Variants in SH3GL1 observed in about 807,000 individuals in gnomAD.
SH3GL1 encodes endophilin-A2.
A neutral mutation model predicts 48.8 loss-of-function variants in SH3GL1; 21 were observed. That is an observed-to-expected ratio of 0.43 (90% CI 0.30 to 0.62). SH3GL1 has a LOEUF of 0.62. Among genes scored for constraint, SH3GL1 ranks in the 20% least tolerant of loss-of-function variants. The pLI, the probability that SH3GL1 is intolerant of heterozygous loss-of-function variation, is 0.11. For missense variants in SH3GL1, 454 were observed against 503.0 expected, an observed-to-expected ratio of 0.90 and a Z score of 0.93; for synonymous variants, 282 against 217.5, an observed-to-expected ratio of 1.30 and a Z score of -2.61.
rs907406582 is a variant in SH3GL1, at chr19:4,389,248, G to A, written c.45+11076C>T. On this transcript the variant is annotated intron_variant, in intron 1 of 9. Transcript: ENST00000269886. This position sits in a 1 kb window ranked among gnomAD's most constrained non-coding sequence, Gnocchi z 4.5. ...GGAGCTGCCGTCCGATGGGAGGAGA[G>A]CACCTCACACGAACACCAGCGTGTG... Among the ~76,000 whole-genome samples, 3 of 152,230 alleles carry A rather than the reference G, an allele frequency of 2.0e-5. No homozygotes were observed. Among genetic ancestry groups the A allele is most frequent in the Admixed American group, 2.0e-4 (3 of 15,288 alleles).
intron 1 of SH3GL1, among the ~76,000 whole-genome samples, chr19:4,397,001 G>T (rs1413856444): frequency 3.3e-5 from 5 of 152,168 alleles, no homozygotes; most frequent in African/African-American, 9.7e-5. Flanking sequence ...CTGCTCACAT[G>T]GTGAGAACTC....
In SH3GL1 at chr19:4,361,018, G is replaced by C. The variant is rs1972592326; in HGVS notation, c.*582C>G. On this transcript the variant is annotated 3_prime_UTR_variant, in exon 10 of 10. Coordinates refer to ENST00000269886, the MANE Select transcript of SH3GL1 (RefSeq NM_003025.4). Reference sequence around the variant, plus strand: ...AAGCTGACAGCAGGCCCGGGAGGCGGTGAGGCCCTCTGCCCTGGCCTTGAG... The same window carrying C: ...AAGCTGACAGCAGGCCCGGGAGGCGCTGAGGCCCTCTGCCCTGGCCTTGAG... 4.3e-6 allele frequency: 1 copy of C among 234,174 alleles called. No homozygotes were observed. The highest frequency in any genetic ancestry group is 8.4e-6 in the Non-Finnish European group (1 of 118,812). The allele number at this position is 234,174 out of a possible 1,614,324, so 14.5% of individuals were successfully genotyped here.
At chr19:4,383,380 A>C (rs567392758) in intron 1 of SH3GL1, among the ~76,000 whole-genome samples, 4 of 146,874 alleles carry the variant, frequency 2.7e-5, no homozygotes, top group Non-Finnish European at 6.0e-5. Context: ...ACACAGAGTT[A>C]TTTTTTTTTT....
At chr19:4,388,462 G>A (rs1240249951) in intron 1 of SH3GL1, among the ~76,000 whole-genome samples, 1 of 152,160 alleles carries the variant, frequency 6.6e-6, no homozygotes, top group Non-Finnish European at 1.5e-5. Context: ...AGAGACAGAA[G>A]GGGCCATCCA....
chr19:4,398,437 C>A (rs1973461729), intron 1 of SH3GL1, among the ~76,000 whole-genome samples: 1 of 151,102 alleles, frequency 6.6e-6, no homozygotes, highest in African/African-American at 2.4e-5. Flanking sequence ...GGCTGGAGTG[C>A]AGTGGTGCAA....
intron 1 of SH3GL1, among the ~76,000 whole-genome samples, chr19:4,399,797 G>C (rs1973489434): frequency 6.6e-6 from 1 of 152,232 alleles, no homozygotes; most frequent in South Asian, 2.1e-4. Context: ...TCTTAGGAAA[G>C]GGACATACGG....
rs900259428 is a variant in SH3GL1 at position 4,389,487 on chromosome 19, G to A, written c.45+10837C>T. Among the ~76,000 whole-genome samples, 1 of 152,120 alleles carries A rather than the reference G, an allele frequency of 6.6e-6. No individual in the cohort carries two copies. Among genetic ancestry groups the A allele is most frequent in the Non-Finnish European group, 1.5e-5 (1 of 68,006 alleles). ...TACAGGGCCCCACACAGGGTGGGCG[G>A]GAGGGACTGACTGTGTGAGTTCCCA... On this transcript the variant is annotated intron_variant, in intron 1 of 9. Coordinates refer to ENST00000269886, the MANE Select transcript of SH3GL1 (RefSeq NM_003025.4). This position sits in a 1 kb window ranked among gnomAD's most constrained non-coding sequence, Gnocchi z 4.5.
intron 1 of SH3GL1, among the ~76,000 whole-genome samples, chr19:4,393,972 T>G (rs1481626967): frequency 6.7e-6 from 1 of 150,110 alleles, no homozygotes; most frequent in Non-Finnish European, 1.5e-5. Context: ...CCAACCCCCC[T>G]GGCCTCTCCT....
Position 4,362,674 on chromosome 19 carries a change from T to G in SH3GL1, c.791A>C (p.Asp264Ala). Residue 264 changes from aspartate (D) to alanine (A), a missense_variant, in exon 8 of 10, where the codon GAC becomes GCC. Asp to Ala is a moderately radical substitution (Grantham distance 126). This residue lies in a region of SH3GL1 where 278 missense variants were observed against 246.8 expected (regional missense o/e 1.13). Coordinates refer to ENST00000269886, the MANE Select transcript of SH3GL1 (RefSeq NM_003025.4). Reference protein sequence around the residue: ...EYKPKPREPFDLGEPEQSNGG... With the variant: ...EYKPKPREPFALGEPEQSNGG... ...GTTGGACTGCTCAGGCTCTCCAAGG[T>G]CAAAGGGCTCCCGGGGCTTGGGCTT... 6.2e-7 allele frequency: 1 copy of G among 1,613,940 alleles called. No individual in the cohort carries two copies. The highest frequency in any genetic ancestry group is 1.7e-5 in the Admixed American group (1 of 60,026).
chr19:4,394,428 T>C (rs979264419), intron 1 of SH3GL1, among the ~76,000 whole-genome samples: 3 of 152,142 alleles, frequency 2.0e-5, no homozygotes, highest in African/African-American at 4.8e-5. Flanking sequence ...GATGGGACCA[T>C]GACGGACGGC....
At chr19:4,373,843 G>A (rs1972952134) in intron 1 of SH3GL1, among the ~76,000 whole-genome samples, 1 of 152,240 alleles carries the variant, frequency 6.6e-6, no homozygotes, top group African/African-American at 2.4e-5. Flanking sequence ...AGGTGTGGCT[G>A]GGTGCCATGG....
At position 4,367,193 on chromosome 19, in the gene SH3GL1, G is replaced by T. The variant is rs1365695374; in HGVS notation, c.46-199C>A. ...TGCAGAGCAGGGTGGGCCTGCAGGG[G>T]GAGGGGGAGGGTGGGGGTGGCCTGC... On this transcript the variant is annotated intron_variant, in intron 1 of 9. Coordinates refer to ENST00000269886, the MANE Select transcript of SH3GL1 (RefSeq NM_003025.4). The surrounding 1 kb of genome is among the most constrained non-coding windows in gnomAD (Gnocchi z 4.2). 6.6e-6 allele frequency among the ~76,000 whole-genome samples: 1 copy of T among 152,148 alleles called. No individual in the cohort carries two copies. Among genetic ancestry groups the T allele is most frequent in the Non-Finnish European group, 1.5e-5 (1 of 68,030 alleles).
At chr19:4,391,954 T>A (rs1198481408) in intron 1 of SH3GL1, among the ~76,000 whole-genome samples, 1 of 152,236 alleles carries the variant, frequency 6.6e-6, no homozygotes, top group Non-Finnish European at 1.5e-5. Context: ...CAGAGCTTCC[T>A]GCAAGAACGG....
intron 1 of SH3GL1, among the ~76,000 whole-genome samples, chr19:4,377,263 C>T (rs188350202): frequency 7.5e-4 from 115 of 152,352 alleles, no homozygotes; most frequent in African/African-American, 2.5e-3. Context: ...GGATAGGACA[C>T]GGGAGAGGCA....
chr19:4,381,545 GTCTCTGTCCCCCTGCCTC>G (rs1432183813), intron 1 of SH3GL1, among the ~76,000 whole-genome samples: 2 of 46,978 alleles, frequency 4.3e-5, no homozygotes, highest in African/African-American at 1.9e-4. Context: ...TCTGTCTCCC[GTCTCTGTCCCCCTGCCTC>G]TCTCTGTTCC....
chr19:4,382,917 G>GT (rs1973164610), intron 1 of SH3GL1, among the ~76,000 whole-genome samples: 1 of 152,034 alleles, frequency 6.6e-6, no homozygotes, highest in South Asian at 2.1e-4. Context: ...CCAGTTTTGT[G>GT]TATTTCATTT....
intron 1 of SH3GL1, among the ~76,000 whole-genome samples, chr19:4,392,717 C>T (rs1166700189): frequency 6.6e-6 from 1 of 152,068 alleles, no homozygotes; most frequent in African/African-American, 2.4e-5. Flanking sequence ...GAGGCCAAGG[C>T]GGGCGGATCA....
intron 1 of SH3GL1, among the ~76,000 whole-genome samples, chr19:4,388,764 G>T (rs779006998): frequency 4.6e-5 from 7 of 152,234 alleles, no homozygotes; most frequent in Non-Finnish European, 7.3e-5. Context: ...GGGGAAGCAG[G>T]CGTCTGGGCT....
At chr19:4,390,862 G>A (rs534394253) in intron 1 of SH3GL1, among the ~76,000 whole-genome samples, 17 of 151,926 alleles carry the variant, frequency 1.1e-4, no homozygotes, top group Middle Eastern at 6.8e-3. Flanking sequence ...GCTCTGCCCC[G>A]GGCAGCGCCG....
Sources: allele counts gnomAD v4.1 joint callset (sites outside exome capture counted in the v4.1 genomes callset), GRCh38; gene constraint gnomAD v4.1.1; regional missense constraint gnomAD v4.1.1; non-coding constraint Gnocchi (gnomAD v3.1); transcripts MANE v1.5; gene names NCBI Gene and HGNC (gene_info 2026-07-23, HGNC 2026-07-21).